The following MCF2L2 variants were observed in gnomAD, a reference collection of about 807,000 sequenced individuals.
The protein encoded by MCF2L2 is MCF.2 cell line derived transforming sequence-like 2, also known as probable guanine nucleotide exchange factor MCF2L2.
MCF2L2 carries 102 observed loss-of-function variants against 150.2 expected under a neutral mutation model. That is an observed-to-expected ratio of 0.68 (90% CI 0.58 to 0.80). The LOEUF is 0.80. MCF2L2 is among the 30% of genes least tolerant of loss of function. MCF2L2 has a pLI of 0.00. For missense variants in MCF2L2, 1,256 were observed against 1,372.8 expected (o/e 0.91, Z 1.34); for synonymous variants, 465 against 491.3 (o/e 0.95, Z 0.71).
At chr3:183,402,613 C>T (rs551673351) in intron 1 of MCF2L2, among the ~76,000 whole-genome samples, 2 of 150,698 alleles carry the variant, frequency 1.3e-5, no homozygotes, top group Non-Finnish European at 3.0e-5. Context: ...CAAGCCTGGG[C>T]AACATAAGGA....
chr3:183,389,860 G>T, intron 1 of MCF2L2, 81 bp from the exon 2 acceptor site: 1 of 1,129,932 alleles, frequency 8.9e-7, no homozygotes, highest in Non-Finnish European at 1.3e-6. Context: ...AAGGCAAGTT[G>T]TACTATTGGG....
intron 1 of MCF2L2, among the ~76,000 whole-genome samples, chr3:183,397,471 C>T (rs1714528304): frequency 6.6e-6 from 1 of 152,196 alleles, no homozygotes; most frequent in Admixed American, 6.5e-5. Context: ...TTCCTCATGA[C>T]CTGTCCACCT....
chr3:183,383,912 T>C (rs1473157200), intron 2 of MCF2L2, among the ~76,000 whole-genome samples: 1 of 152,230 alleles, frequency 6.6e-6, no homozygotes, highest in Non-Finnish European at 1.5e-5. Flanking sequence ...TTCAAGTCAA[T>C]GGAATGTGCT....
rs1004309209 is a variant in MCF2L2 at position 183,181,661 on chromosome 3, G to C, written c.3017-1502C>G. Among the ~76,000 whole-genome samples, 1 of 152,178 alleles carries C rather than the reference G, an allele frequency of 6.6e-6. No homozygotes were observed. Among genetic ancestry groups the C allele is most frequent in the Non-Finnish European group, 1.5e-5 (1 of 68,032 alleles). Reference sequence around the variant, plus strand: ...CTTGCTGAAAGTTCTGTGATGGAGGGATAGAGGGACAGAGGGAGCCATGCC... The same window carrying C: ...CTTGCTGAAAGTTCTGTGATGGAGGCATAGAGGGACAGAGGGAGCCATGCC... On this transcript the variant is annotated intron_variant, in intron 27 of 29. Coordinates refer to ENST00000328913, the MANE Select transcript of MCF2L2 (RefSeq NM_015078.4). The surrounding 1 kb of genome is among the most constrained non-coding windows in gnomAD (Gnocchi z 4.3).
chr3:183,402,101 TA>T (rs1298160633), intron 1 of MCF2L2, among the ~76,000 whole-genome samples: 2 of 152,058 alleles, frequency 1.3e-5, no homozygotes, highest in African/African-American at 4.8e-5. Context: ...AAAAGTACAG[TA>T]AGTTTGTGGG....
In MCF2L2 at chr3:183,270,295, A is replaced by G; in HGVS notation, c.1862+6577T>C. The G allele has an allele frequency of 6.2e-7, 1 of 1,614,192 alleles. No individual in the cohort carries two copies. Among genetic ancestry groups the G allele is most frequent in the Non-Finnish European group, 8.5e-7 (1 of 1,180,014 alleles). ...CAGCAAGACTTTGTTGATTCTTTCT[A>G]CAATCTTACTCTGAAATTACTTATG... On this transcript the variant is annotated intron_variant, in intron 15 of 29. Transcript: ENST00000328913. This position sits in a 1 kb window ranked among gnomAD's most constrained non-coding sequence, Gnocchi z 4.5.
At chr3:183,377,110 G>C (rs1713232006) in intron 3 of MCF2L2, 1 of 152,148 alleles carries the variant, frequency 6.6e-6, no homozygotes, top group African/African-American at 2.4e-5. Context: ...GTGCCACAGT[G>C]GTTTGCTGCA....
intron 5 of MCF2L2, among the ~76,000 whole-genome samples, chr3:183,326,492 C>CAAAAAA (rs890481068): frequency 1.0e-4 from 4 of 39,418 alleles, no homozygotes; most frequent in African/African-American, 2.8e-4. Context: ...AACTCCGTCT[C>CAAAAAA]AAAAAAAAAA....
intron 3 of MCF2L2, among the ~76,000 whole-genome samples, chr3:183,350,493 T>C (rs916620700): frequency 6.6e-6 from 1 of 152,194 alleles, no homozygotes; most frequent in African/African-American, 2.4e-5. Context: ...TTTGATATGA[T>C]TGTCATACTC....
chr3:183,402,261 G>A (rs1366450534), intron 1 of MCF2L2, among the ~76,000 whole-genome samples: 8 of 149,942 alleles, frequency 5.3e-5, no homozygotes, highest in Non-Finnish European at 8.9e-5. Flanking sequence ...GGCTAACATG[G>A]TGAAACCCCG....
At chr3:183,244,453 G>A (rs1560363728) in intron 15 of MCF2L2, among the ~76,000 whole-genome samples, 1 of 152,230 alleles carries the variant, frequency 6.6e-6, no homozygotes. Flanking sequence ...GCCTATTGTG[G>A]GACTTGGTAT....
chr3:183,423,800 G>A (rs1366470165), intron 1 of MCF2L2, among the ~76,000 whole-genome samples: 3 of 152,002 alleles, frequency 2.0e-5, no homozygotes, highest in Admixed American at 1.3e-4. Context: ...CACCACGCCT[G>A]GCTAATTTTG....
chr3:183,404,399 C>G (rs1023009077), intron 1 of MCF2L2, among the ~76,000 whole-genome samples: 6 of 152,182 alleles, frequency 3.9e-5, no homozygotes, highest in Non-Finnish European at 5.9e-5. Flanking sequence ...CTGTCATTAG[C>G]TCATATGTCA....
At chr3:183,216,276 G>A (rs1576929473) in intron 21 of MCF2L2, among the ~76,000 whole-genome samples, 182 bp from the exon 22 acceptor site, 4 of 151,332 alleles carry the variant, frequency 2.6e-5, no homozygotes, top group South Asian at 2.1e-4. Flanking sequence ...TTAGGTATAC[G>A]GCATAGAGAC....
intron 1 of MCF2L2, among the ~76,000 whole-genome samples, chr3:183,395,153 T>C (rs1359224005): frequency 6.6e-6 from 1 of 152,160 alleles, no homozygotes; most frequent in Non-Finnish European, 1.5e-5. Context: ...TCATCCTATA[T>C]CTGAAAATGT....
At chr3:183,282,030 G>C (rs377398532) in intron 14 of MCF2L2, among the ~76,000 whole-genome samples, 1 of 151,074 alleles carries the variant, frequency 6.6e-6, no homozygotes. Context: ...GCCTCCCAAA[G>C]CGCTGGGATT....
chr3:183,194,154 T>C (rs1315705397), intron 26 of MCF2L2, among the ~76,000 whole-genome samples: 2 of 152,156 alleles, frequency 1.3e-5, no homozygotes, highest in African/African-American at 4.8e-5. Flanking sequence ...GCCCTCACCT[T>C]TTCCACTTCT....
chr3:183,216,176 G>T (rs1722903131), intron 21 of MCF2L2, 82 bp from the exon 22 acceptor site: 1 of 1,493,498 alleles, frequency 6.7e-7, no homozygotes, highest in East Asian at 2.3e-5. Flanking sequence ...GAGATGAGGA[G>T]CCAGGGATCC....
intron 2 of MCF2L2, among the ~76,000 whole-genome samples, chr3:183,388,239 T>C (rs1253936818): frequency 3.3e-5 from 5 of 152,198 alleles, no homozygotes; most frequent in Admixed American, 6.5e-5. Flanking sequence ...GAATCATGCA[T>C]TGAGGCCTCA....
Sources: allele counts gnomAD v4.1 joint callset (sites outside exome capture counted in the v4.1 genomes callset), GRCh38; gene constraint gnomAD v4.1.1; non-coding constraint Gnocchi (gnomAD v3.1); transcripts MANE v1.5; gene names NCBI Gene and HGNC (gene_info 2026-07-23, HGNC 2026-07-21).